EYS: variants seen among roughly 807,000 people sequenced by gnomAD.
The protein encoded by EYS is EGF-like photoreceptor maintenance factor, also known as protein eyes shut homolog.
A neutral mutation model predicts 282.1 loss-of-function variants in EYS; 250 were observed. The ratio of observed to expected loss-of-function variants is 0.89; its 90% CI spans 0.80 to 0.98. EYS has a LOEUF of 0.98. EYS is among the 50% of genes least tolerant of loss of function. The pLI is 0.00. For missense variants in EYS, 4,016 were observed against 3,709.0 expected, an observed-to-expected ratio of 1.08 and a Z score of -2.15; for synonymous variants, 1,355 against 1,282.9, an observed-to-expected ratio of 1.06 and a Z score of -1.20.
chr6:63,867,319 A>G (rs1772692905), intron 35 of EYS, among the ~76,000 whole-genome samples: 1 of 152,182 alleles, frequency 6.6e-6, no homozygotes, highest in South Asian at 2.1e-4. Context: ...ATATCTTTTC[A>G]TCCCTAAATT....
At position 64,818,028 on chromosome 6, in the gene EYS, G is replaced by A. The variant is rs115590825; in HGVS notation, c.3243+3617C>T. ...TTTCTACTTCATCTGAGAAAGTCAC[G>A]ATTTTTAAATTCTGTAATTAGTTTT... On this transcript the variant is annotated intron_variant, in intron 21 of 42. Transcript: ENST00000503581. Among the ~76,000 whole-genome samples, 300 of 152,110 alleles carry A rather than the reference G, an allele frequency of 2.0e-3. 1 individual carries two copies. The highest frequency in any genetic ancestry group is 6.8e-3 in the African/African-American group (284 of 41,506).
At chr6:64,209,726 T>C (rs1765704831) in intron 31 of EYS, among the ~76,000 whole-genome samples, 1 of 152,238 alleles carries the variant, frequency 6.6e-6, no homozygotes, top group African/African-American at 2.4e-5. Context: ...TGAAAATCTT[T>C]ACTAGTTTCT....
At chr6:65,448,827 G>A (rs911956069) in intron 5 of EYS, among the ~76,000 whole-genome samples, 2 of 151,980 alleles carry the variant, frequency 1.3e-5, no homozygotes, top group Non-Finnish European at 1.5e-5. Flanking sequence ...TGAAAATAGT[G>A]GTCAAAGCAA....
chr6:63,898,650 C>T (rs1228036373), intron 35 of EYS, among the ~76,000 whole-genome samples: 1 of 151,830 alleles, frequency 6.6e-6, no homozygotes, highest in Non-Finnish European at 1.5e-5. Flanking sequence ...AAAGAAGTAA[C>T]ACAGAAATTT....
At chr6:65,630,976 T>C (rs1434703576) in intron 2 of EYS, among the ~76,000 whole-genome samples, 1 of 152,198 alleles carries the variant, frequency 6.6e-6, no homozygotes, top group Admixed American at 6.5e-5. Context: ...CTTTAATGCA[T>C]TTTAAAAAGT....
chr6:64,534,827 G>T (rs1394679870), intron 26 of EYS, among the ~76,000 whole-genome samples: 1 of 151,308 alleles, frequency 6.6e-6, no homozygotes, highest in Non-Finnish European at 1.5e-5. Flanking sequence ...ACAATCATCA[G>T]GGAATTAGCC....
intron 22 of EYS, among the ~76,000 whole-genome samples, chr6:64,762,807 A>T (rs546890856): frequency 6.6e-6 from 1 of 152,118 alleles, no homozygotes; most frequent in Non-Finnish European, 1.5e-5. Flanking sequence ...ATACACCACT[A>T]TGTTATTGTC....
chr6:64,977,975 T>A (rs1006735115), intron 14 of EYS, among the ~76,000 whole-genome samples: 3 of 151,804 alleles, frequency 2.0e-5, no homozygotes, highest in African/African-American at 7.3e-5. Context: ...AAGTACAAGG[T>A]GAAGCAGCAA....
At chr6:64,299,272 C>T (rs7774242) in intron 30 of EYS, among the ~76,000 whole-genome samples, 5,875 of 152,252 alleles carry the variant, frequency 0.039, 354 homozygotes, top group African/African-American at 0.13. Context: ...TACCCAAAGG[C>T]GTGTTAACTC....
chr6:64,496,622 A>G (rs913484451), intron 26 of EYS, among the ~76,000 whole-genome samples: 2 of 151,878 alleles, frequency 1.3e-5, no homozygotes, highest in Non-Finnish European at 1.5e-5. Flanking sequence ...TCCATTACAT[A>G]TTTTCTTTTG....
chr6:65,246,743 CTCTT>C (rs1166067179), intron 12 of EYS, among the ~76,000 whole-genome samples: 2 of 152,110 alleles, frequency 1.3e-5, no homozygotes, highest in Non-Finnish European at 2.9e-5. Context: ...CGCTCGCACT[CTCTT>C]TCATACGTTC....
intron 15 of EYS, among the ~76,000 whole-genome samples, chr6:64,930,652 C>T (rs1486315621): frequency 6.6e-6 from 1 of 151,870 alleles, no homozygotes; most frequent in Non-Finnish European, 1.5e-5. Flanking sequence ...AATTTTAATG[C>T]ATAGTGCTTC....
At chr6:64,202,681 A>T (rs1012679288) in intron 31 of EYS, among the ~76,000 whole-genome samples, 1 of 152,140 alleles carries the variant, frequency 6.6e-6, no homozygotes, top group African/African-American at 2.4e-5. Context: ...TTGCAGATGT[A>T]ATTAACATAG....
In EYS at chr6:65,692,539, T is replaced by C. The variant is rs907132758; in HGVS notation, c.-448+14596A>G. ...GTTTCCTGGTAATGAAAAAAGTGGA[T>C]ATACATTTTTCCTTGTGATATTATA... On this transcript the variant is annotated intron_variant, in intron 1 of 42. Transcript: ENST00000503581. Among the ~76,000 whole-genome samples, 40 of 150,462 alleles carry C rather than the reference T, an allele frequency of 2.7e-4. 1 individual carries two copies. Among genetic ancestry groups the C allele is most frequent in the African/African-American group, 9.2e-4 (38 of 41,400 alleles).
intron 22 of EYS, among the ~76,000 whole-genome samples, chr6:64,671,786 G>T (rs1029895991): frequency 6.6e-6 from 1 of 151,780 alleles, no homozygotes; most frequent in East Asian, 1.9e-4. Flanking sequence ...ATAAGAATAT[G>T]GCTACTAATA....
chr6:64,770,651 T>C (rs1297998525), intron 22 of EYS, among the ~76,000 whole-genome samples: 2 of 151,930 alleles, frequency 1.3e-5, no homozygotes, highest in Non-Finnish European at 2.9e-5. Flanking sequence ...TTGGAAAGAC[T>C]TTGAAGGTAT....
intron 26 of EYS, among the ~76,000 whole-genome samples, chr6:64,503,179 T>C (rs1777106194): frequency 1.3e-5 from 2 of 152,248 alleles, no homozygotes. Context: ...ATGAAATCGT[T>C]TTACAAAGTA....
At chr6:65,438,376 A>G (rs955155235) in intron 5 of EYS, among the ~76,000 whole-genome samples, 1 of 152,136 alleles carries the variant, frequency 6.6e-6, no homozygotes, top group African/African-American at 2.4e-5. Context: ...ATACCCAGTA[A>G]CGGGATGGCT....
At chr6:63,761,998 AC>A (rs1368353930) in intron 41 of EYS, among the ~76,000 whole-genome samples, 2 of 151,996 alleles carry the variant, frequency 1.3e-5, no homozygotes, top group Non-Finnish European at 2.9e-5. Context: ...AGTAGTTAGG[AC>A]ACTGTTGCTT....
Sources: gnomAD v4.1 joint callset for allele counts (sites outside exome capture counted in the v4.1 genomes callset) on GRCh38, gnomAD v4.1.1 for gene constraint, MANE v1.5 for transcripts, NCBI Gene and HGNC (gene_info 2026-07-23, HGNC 2026-07-21) for gene names.